AUTS2: variants seen among roughly 807,000 people sequenced by gnomAD.
AUTS2 encodes activator of transcription and developmental regulator AUTS2.
A neutral mutation model predicts 112.4 loss-of-function variants in AUTS2; 17 were observed. The observed-to-expected ratio is 0.15, with a 90% CI of 0.10 to 0.23. The LOEUF is 0.23. Ranked by LOEUF, AUTS2 falls within the 10% of genes least tolerant of loss-of-function variation. The pLI is 1.00. For missense variants in AUTS2, 1,510 were observed against 1,701.6 expected (o/e 0.89, Z 1.98); for synonymous variants, 751 against 702.7 (o/e 1.07, Z -1.09).
intron 4 of AUTS2, among the ~76,000 whole-genome samples, chr7:70,244,852 G>A (rs1812811758): frequency 6.6e-6 from 1 of 152,084 alleles, no homozygotes. Flanking sequence ...GGGTGCGGCG[G>A]TTCACACCTA....
chr7:69,647,984 A>T (rs1795108555), intron 1 of AUTS2, among the ~76,000 whole-genome samples: 1 of 152,080 alleles, frequency 6.6e-6, no homozygotes, highest in Non-Finnish European at 1.5e-5. Flanking sequence ...ATCTGCCCTA[A>T]TCCACCCTAA....
intron 2 of AUTS2, among the ~76,000 whole-genome samples, chr7:70,088,956 A>G (rs185581065): frequency 9.2e-5 from 14 of 152,182 alleles, no homozygotes; most frequent in Non-Finnish European, 1.6e-4. Flanking sequence ...ATTTTTATCC[A>G]TATCAAAATA....
At chr7:70,349,406 T>C (rs1440428045) in intron 4 of AUTS2, among the ~76,000 whole-genome samples, 1 of 152,232 alleles carries the variant, frequency 6.6e-6, no homozygotes, top group Admixed American at 6.5e-5. Context: ...TTGGAACATC[T>C]TACTGGATTT....
chr7:70,250,701 A>G (rs1347788241), intron 4 of AUTS2, among the ~76,000 whole-genome samples: 1 of 152,218 alleles, frequency 6.6e-6, no homozygotes, highest in Admixed American at 6.5e-5. Flanking sequence ...GAATGAGATC[A>G]TACCCTTTGC....
At chr7:70,512,130 C>G (rs1799219780) in intron 5 of AUTS2, among the ~76,000 whole-genome samples, 1 of 152,162 alleles carries the variant, frequency 6.6e-6, no homozygotes, top group African/African-American at 2.4e-5. Flanking sequence ...TATGGGTCCC[C>G]ACGTTGATCT....
intron 4 of AUTS2, among the ~76,000 whole-genome samples, chr7:70,224,502 T>C (rs1368241709): frequency 6.6e-6 from 1 of 152,144 alleles, no homozygotes; most frequent in Admixed American, 6.5e-5. Context: ...AAGCTAAATG[T>C]TATTAAAAAG....
intron 4 of AUTS2, among the ~76,000 whole-genome samples, chr7:70,415,295 C>T (rs538159177): frequency 2.0e-5 from 3 of 152,184 alleles, no homozygotes; most frequent in Non-Finnish European, 4.4e-5. Flanking sequence ...TCATGCCCCT[C>T]TCTGATTTTT....
chr7:70,472,158 C>T (rs551922930), intron 5 of AUTS2, among the ~76,000 whole-genome samples: 1 of 152,286 alleles, frequency 6.6e-6, no homozygotes, highest in East Asian at 1.9e-4. Flanking sequence ...TACTCTTCAC[C>T]CTTGGATAGT....
intron 6 of AUTS2, among the ~76,000 whole-genome samples, chr7:70,758,718 T>C (rs1034283241): frequency 6.6e-6 from 1 of 152,242 alleles, no homozygotes; most frequent in African/African-American, 2.4e-5. Flanking sequence ...TTCTTTCCTT[T>C]ATCCTTTGGC....
At chr7:70,095,111 G>A (rs998463044) in intron 2 of AUTS2, among the ~76,000 whole-genome samples, 2 of 152,158 alleles carry the variant, frequency 1.3e-5, no homozygotes, top group African/African-American at 4.8e-5. Flanking sequence ...AGAGGACTTA[G>A]GTGCAGCCAA....
chr7:70,074,441 G>A (rs1427284312), intron 2 of AUTS2, among the ~76,000 whole-genome samples: 1 of 152,082 alleles, frequency 6.6e-6, no homozygotes, highest in Admixed American at 6.6e-5. Context: ...GCTCTTAGTT[G>A]ACACTGGCCA....
intron 1 of AUTS2, among the ~76,000 whole-genome samples, chr7:69,749,231 G>A (rs1311892609): frequency 2.0e-5 from 3 of 151,910 alleles, no homozygotes; most frequent in East Asian, 1.9e-4. Flanking sequence ...TGAGTCCACC[G>A]CCCCCCACAA....
At chr7:69,920,425 T>A (rs543470379) in intron 2 of AUTS2, among the ~76,000 whole-genome samples, 1 of 152,136 alleles carries the variant, frequency 6.6e-6, no homozygotes, top group South Asian at 2.1e-4. Context: ...CAGCTGGTAC[T>A]ACAGGTATGC....
chr7:70,168,424 C>T (rs1808495237), intron 4 of AUTS2, among the ~76,000 whole-genome samples: 1 of 152,194 alleles, frequency 6.6e-6, no homozygotes, highest in Non-Finnish European at 1.5e-5. Context: ...TCAAGAGATT[C>T]TCCTGCCTCA....
At chr7:70,000,300 C>G (rs911475597) in intron 2 of AUTS2, among the ~76,000 whole-genome samples, 3 of 152,108 alleles carry the variant, frequency 2.0e-5, no homozygotes, top group Non-Finnish European at 4.4e-5. Context: ...ATGGTTGGAT[C>G]AAAAAGAGCT....
In AUTS2 at chr7:70,405,494, G is replaced by A. The variant is rs537727641; in HGVS notation, c.661-30258G>A. Among the ~76,000 whole-genome samples the A allele has an allele frequency of 3.3e-5, 5 of 152,330 alleles. No individual in the cohort carries two copies. The South Asian group carries it at 8.3e-4, about 25-fold the overall frequency. ...AAACTTTAAAGCTGTTTTCTTCAGT[G>A]CTGAGTATCTCTCAGAACTCCCAAG... On this transcript the variant is annotated intron_variant, in intron 4 of 18. Transcript: ENST00000342771.
intron 1 of AUTS2, among the ~76,000 whole-genome samples, chr7:69,717,469 T>C (rs561398700): frequency 6.6e-6 from 1 of 152,276 alleles, no homozygotes; most frequent in African/African-American, 2.4e-5. Context: ...GCCGTTCTAA[T>C]CTGTGCAGGC....
chr7:70,257,152 C>CT (rs1378409787), intron 4 of AUTS2, among the ~76,000 whole-genome samples: 1 of 151,972 alleles, frequency 6.6e-6, no homozygotes, highest in Non-Finnish European at 1.5e-5. Flanking sequence ...TTTTGTTTTT[C>CT]TTTTAAGAAT....
chr7:69,680,443 T>C (rs569962517), intron 1 of AUTS2, among the ~76,000 whole-genome samples: 1 of 152,188 alleles, frequency 6.6e-6, no homozygotes, highest in African/African-American at 2.4e-5. Context: ...TTGTTGTTTT[T>C]TATTGTGTTA....
Sources: gnomAD v4.1 joint callset for allele counts (sites outside exome capture counted in the v4.1 genomes callset) on GRCh38, gnomAD v4.1.1 for gene constraint, MANE v1.5 for transcripts, NCBI Gene and HGNC (gene_info 2026-07-23, HGNC 2026-07-21) for gene names.